The following NCKAP5 variants were observed in gnomAD, a reference collection of about 807,000 sequenced individuals.
NCKAP5 encodes NCK associated protein 5.
A neutral mutation model predicts 167.0 loss-of-function variants in NCKAP5; 92 were observed. The observed-to-expected ratio is 0.55, with a 90% CI of 0.47 to 0.66. The LOEUF (loss-of-function observed/expected upper bound fraction) is 0.66, where lower values mean the gene tolerates loss of function less well. Ranked by LOEUF, NCKAP5 falls within the 30% of genes least tolerant of loss-of-function variation. The probability of loss-of-function intolerance (pLI) is 0.00; values close to 1 mark genes in which losing one functional copy is unlikely to be tolerated. For missense variants in NCKAP5, 2,378 were observed against 2,315.0 expected, an observed-to-expected ratio of 1.03 and a Z score of -0.56; for synonymous variants, 891 against 877.4, an observed-to-expected ratio of 1.02 and a Z score of -0.27.
intron 4 of NCKAP5, among the ~76,000 whole-genome samples, chr2:133,220,423 A>C (rs1210290558): frequency 6.6e-6 from 1 of 152,232 alleles, no homozygotes; most frequent in Non-Finnish European, 1.5e-5. Context: ...AGGAAGAATG[A>C]AACAGAGCTA....
chr2:133,393,767 A>G (rs553132453), intron 3 of NCKAP5, among the ~76,000 whole-genome samples: 2 of 152,180 alleles, frequency 1.3e-5, no homozygotes, highest in Non-Finnish European at 2.9e-5. Flanking sequence ...TCTCTAAGTC[A>G]TGTTTCTATC....
chr2:132,677,431 G>GT (rs1334808543), intron 19 of NCKAP5, among the ~76,000 whole-genome samples: 1 of 152,054 alleles, frequency 6.6e-6, no homozygotes, highest in Non-Finnish European at 1.5e-5. Context: ...TTAATTCCTT[G>GT]TAGTCAAGCA....
chr2:133,530,707 T>A (rs1477057683), intron 2 of NCKAP5, among the ~76,000 whole-genome samples: 2 of 152,194 alleles, frequency 1.3e-5, no homozygotes, highest in East Asian at 1.9e-4. Flanking sequence ...ATGAACCTTT[T>A]GACCAATAGA....
intron 6 of NCKAP5, among the ~76,000 whole-genome samples, chr2:133,032,890 A>G (rs2078926730): frequency 6.6e-6 from 1 of 152,170 alleles, no homozygotes; most frequent in Admixed American, 6.5e-5. Flanking sequence ...GAGACAGAGC[A>G]AGCGAAGGGG....
intron 16 of NCKAP5, among the ~76,000 whole-genome samples, chr2:132,753,964 A>G (rs1429793108): frequency 6.6e-6 from 1 of 152,208 alleles, no homozygotes; most frequent in African/African-American, 2.4e-5. Context: ...CAGCTCCCTC[A>G]TTCCTCAGGT....
intron 6 of NCKAP5, among the ~76,000 whole-genome samples, chr2:133,035,830 A>C (rs2079023632): frequency 6.6e-6 from 1 of 151,942 alleles, no homozygotes; most frequent in South Asian, 2.1e-4. Flanking sequence ...GAAATAATGA[A>C]GATCGGAACA....
chr2:133,107,197 G>C (rs1396108993), intron 6 of NCKAP5, among the ~76,000 whole-genome samples: 2 of 152,132 alleles, frequency 1.3e-5, no homozygotes, highest in Admixed American at 6.5e-5. Context: ...GGGTAGAAGG[G>C]ACCACGGCCA....
intron 3 of NCKAP5, among the ~76,000 whole-genome samples, chr2:133,315,840 G>C (rs1163053477): frequency 6.6e-6 from 1 of 152,150 alleles, no homozygotes; most frequent in Non-Finnish European, 1.5e-5. Flanking sequence ...TTGGGGTAGA[G>C]GTTGGGGAAA....
At chr2:133,071,342 G>T (rs2080390160) in intron 6 of NCKAP5, among the ~76,000 whole-genome samples, 1 of 151,964 alleles carries the variant, frequency 6.6e-6, no homozygotes, top group African/African-American at 2.4e-5. Flanking sequence ...CTACTTGGGA[G>T]GCTGAGGCAG....
chr2:133,427,691 G>GA (rs1237749966), intron 3 of NCKAP5, among the ~76,000 whole-genome samples: 2 of 152,080 alleles, frequency 1.3e-5, no homozygotes, highest in East Asian at 3.9e-4. Context: ...TGCAATGTGA[G>GA]AAAATCACAT....
At chr2:132,929,856 ATTCCCT>A (rs559949630) in intron 8 of NCKAP5, 6 of 152,166 alleles carry the variant, frequency 3.9e-5, no homozygotes, top group Non-Finnish European at 8.8e-5. Context: ...TTTTCTCTGA[ATTCCCT>A]TTGTTGTATA....
At chr2:133,438,340 T>C (rs1316286454) in intron 3 of NCKAP5, among the ~76,000 whole-genome samples, 2 of 152,216 alleles carry the variant, frequency 1.3e-5, no homozygotes, top group Non-Finnish European at 2.9e-5. Context: ...GGGTTTCTGT[T>C]TGAACAGTGC....
At chr2:133,082,928 T>A in intron 6 of NCKAP5, among the ~76,000 whole-genome samples, 1 of 152,126 alleles carries the variant, frequency 6.6e-6, no homozygotes, top group East Asian at 1.9e-4. Context: ...TGAGTTATTA[T>A]GCAAATGCCA....
intron 6 of NCKAP5, among the ~76,000 whole-genome samples, chr2:133,093,908 T>G (rs1400608409): frequency 2.6e-5 from 4 of 151,822 alleles, no homozygotes; most frequent in Non-Finnish European, 1.5e-5. Context: ...TCAGAAAGAG[T>G]GGACACTGGC....
At chr2:132,780,711 A>G (rs1452151162) in intron 15 of NCKAP5, among the ~76,000 whole-genome samples, 1 of 152,208 alleles carries the variant, frequency 6.6e-6, no homozygotes, top group African/African-American at 2.4e-5. Flanking sequence ...GTGATGTTAG[A>G]AATAATCATC....
At chr2:132,997,803 T>G (rs958730869) in intron 6 of NCKAP5, among the ~76,000 whole-genome samples, 3 of 123,118 alleles carry the variant, frequency 2.4e-5, no homozygotes. Flanking sequence ...TAAGCTTATG[T>G]GAAAAAAAAA....
At chr2:132,781,505 C>T (rs1263433968) in intron 14 of NCKAP5, among the ~76,000 whole-genome samples, 1 of 152,142 alleles carries the variant, frequency 6.6e-6, no homozygotes, top group African/African-American at 2.4e-5. Flanking sequence ...TTATTAACTA[C>T]ATTTTTAGCT....
intron 2 of NCKAP5, among the ~76,000 whole-genome samples, chr2:133,543,907 G>T (rs1423448523): frequency 1.3e-5 from 2 of 152,196 alleles, no homozygotes; most frequent in African/African-American, 4.8e-5. Flanking sequence ...CCACTAGATT[G>T]GTTCCCCTCA....
At chr2:132,729,296 CA>C (rs1346557025) in intron 17 of NCKAP5, among the ~76,000 whole-genome samples, 1 of 152,212 alleles carries the variant, frequency 6.6e-6, no homozygotes, top group African/African-American at 2.4e-5. Context: ...CATCCAACAA[CA>C]ATCAAGTTTC....
Sources: allele counts gnomAD v4.1 joint callset (sites outside exome capture counted in the v4.1 genomes callset), GRCh38; gene constraint gnomAD v4.1.1; transcripts MANE v1.5; gene names NCBI Gene and HGNC (gene_info 2026-07-23, HGNC 2026-07-21).